RABEP1: variants seen among roughly 807,000 people sequenced by gnomAD.
RABEP1 encodes rab GTPase-binding effector protein 1.
Under a neutral mutation model 123.4 loss-of-function variants are expected in RABEP1, and 51 were observed. The ratio of observed to expected loss-of-function variants is 0.41; its 90% CI spans 0.33 to 0.52. The LOEUF (loss-of-function observed/expected upper bound fraction) is 0.52, where lower values mean the gene tolerates loss of function less well. RABEP1 is among the 20% of genes least tolerant of loss of function. RABEP1 has a pLI of 0.16. For missense variants in RABEP1, 888 were observed against 996.3 expected (o/e 0.89, Z 1.46); for synonymous variants, 347 against 355.2 (o/e 0.98, Z 0.26).
intron 2 of RABEP1, among the ~76,000 whole-genome samples, chr17:5,319,989 A>C (rs1174340229): frequency 1.3e-5 from 2 of 152,204 alleles, no homozygotes; most frequent in Non-Finnish European, 2.9e-5. Context: ...AAAACTCTCC[A>C]AAACTTGAGA....
At chr17:5,283,399 G>C (rs1020724341) in intron 1 of RABEP1, among the ~76,000 whole-genome samples, 2 of 152,162 alleles carry the variant, frequency 1.3e-5, no homozygotes, top group African/African-American at 4.8e-5. Context: ...GGTTGTCAGA[G>C]CCCTTCGTGA....
chr17:5,373,866 G>C (rs9890097), intron 13 of RABEP1, among the ~76,000 whole-genome samples: 10,919 of 152,142 alleles, frequency 0.072, 543 homozygotes, highest in Non-Finnish European at 0.1. Flanking sequence ...AGAATCATAC[G>C]ATATGTGGTC....
At position 5,361,618 on chromosome 17, in the gene RABEP1, G is replaced by T; in HGVS notation, c.1506G>T (p.Val502=). The T allele has an allele frequency of 6.2e-7, 1 of 1,613,968 alleles. No homozygotes were observed. The highest frequency in any genetic ancestry group is 8.5e-7 in the Non-Finnish European group (1 of 1,179,932). ...SVTQGMESAY[V]SPSGYRLVSE... ...CCCAGGGCATGGAGAGTGCCTATGT[G>T]TCCCCTAGTGGTTATCGTTTAGTTA... Residue 502 remains valine, a synonymous_variant, in exon 9 of 18, where the codon GTG becomes GTT. Coordinates refer to ENST00000537505, the MANE Select transcript of RABEP1 (RefSeq NM_004703.6).
rs769889910 is a variant in RABEP1 at position 5,361,306 on chromosome 17, T to A, written c.1194T>A (p.Phe398Leu). Reference protein sequence around the residue: ...DPFSKSDNDMFKDGLRRAQST... With the variant: ...DPFSKSDNDMLKDGLRRAQST... ...TCAGTAAATCGGACAATGACATGTT[T>A]AAAGATGGACTCAGGAGAGCACAGT... Residue 398 changes from phenylalanine (F) to leucine (L), a missense_variant, in exon 9 of 18, where the codon TTT becomes TTA. By Grantham distance (22) the Phe-to-Leu change is conservative (BLOSUM62 0). Transcript: ENST00000537505. 6 of 1,614,156 alleles carry A rather than the reference T, an allele frequency of 3.7e-6. No homozygotes were observed. In the South Asian group the frequency reaches 6.6e-5, roughly 18 times the overall value.
At chr17:5,334,088 C>T (rs1906822050) in intron 3 of RABEP1, among the ~76,000 whole-genome samples, 1 of 148,578 alleles carries the variant, frequency 6.7e-6, no homozygotes, top group South Asian at 2.2e-4. Flanking sequence ...GGCTTGAGTG[C>T]AGTGGTGTGA....
chr17:5,297,235 C>A (rs186126310), intron 1 of RABEP1, among the ~76,000 whole-genome samples: 250 of 152,120 alleles, frequency 1.6e-3, no homozygotes, highest in Non-Finnish European at 1.1e-3. Context: ...CTTTAGGATA[C>A]CCCCTTTACC....
intron 1 of RABEP1, among the ~76,000 whole-genome samples, chr17:5,300,893 T>C (rs554560977): frequency 2.6e-5 from 4 of 152,294 alleles, no homozygotes; most frequent in Admixed American, 6.5e-5. Context: ...TCTCAAACTT[T>C]AGCCTGCATC....
intron 7 of RABEP1, among the ~76,000 whole-genome samples, chr17:5,352,224 C>T (rs1404336189): frequency 1.3e-5 from 2 of 151,356 alleles, no homozygotes; most frequent in Non-Finnish European, 2.9e-5. Flanking sequence ...CAGGATTTCA[C>T]TCCAGTCACC....
chr17:5,350,658 C>G lies in RABEP1; in HGVS notation c.963+29C>G, dbSNP rs770040149. ...AATAGAAGTTTTTAGGACTGATTTG[C>G]TTTGTCAGTAATGTCCCCCACCACA... is the stretch of plus-strand genomic sequence containing the variant. On this transcript the variant is annotated intron_variant, in intron 7 of 17. Transcript: ENST00000537505. The G allele has an allele frequency of 1.9e-6, 3 of 1,609,380 alleles. No individual in the cohort carries two copies. The Admixed American group carries it at 5.0e-5, about 27-fold the overall frequency.
At chr17:5,285,764 G>T (rs930627385) in intron 1 of RABEP1, among the ~76,000 whole-genome samples, 1 of 152,132 alleles carries the variant, frequency 6.6e-6, no homozygotes. Context: ...GCTATTAAGT[G>T]GGGGAGCAGG....
intron 1 of RABEP1, among the ~76,000 whole-genome samples, chr17:5,301,063 T>C (rs981649115): frequency 9.2e-5 from 14 of 152,148 alleles, no homozygotes; most frequent in African/African-American, 3.4e-4. Context: ...TGCTAAACTT[T>C]AAGGAATACC....
Position 5,384,429 on chromosome 17 carries a change from A to T in RABEP1, c.*1206A>T, listed in dbSNP as rs1034332847. ...CCAGTGGATGGATTCATCATCCAGGAGGTTCAAAAGTAAGATGGTTTTCAA... is the reference window on the plus strand; with the variant it reads ...CCAGTGGATGGATTCATCATCCAGGTGGTTCAAAAGTAAGATGGTTTTCAA... On this transcript the variant is annotated 3_prime_UTR_variant, in exon 18 of 18. Coordinates refer to ENST00000537505, the MANE Select transcript of RABEP1 (RefSeq NM_004703.6). The T allele has an allele frequency of 4.7e-6, 1 of 214,942 alleles. No homozygotes were observed. Among genetic ancestry groups the T allele is most frequent in the Non-Finnish European group, 9.4e-6 (1 of 106,654 alleles). 13.3% of individuals were successfully genotyped at this position (214,942 alleles called of 1,614,324 possible). A position where few individuals can be genotyped will look rare whatever the true frequency, so the allele number is the denominator to read the frequency against.
intron 1 of RABEP1, among the ~76,000 whole-genome samples, chr17:5,293,617 G>C (rs2075053498): frequency 1.3e-5 from 2 of 152,146 alleles, no homozygotes; most frequent in Admixed American, 1.3e-4. Flanking sequence ...TTGTTGCCCT[G>C]GCTGGTCTCA....
rs1907448253 is a variant in RABEP1 at position 5,340,002 on chromosome 17, TTACA to T, written c.648+1867_648+1870del. Among the ~76,000 whole-genome samples the T allele has an allele frequency of 2.6e-5, 4 of 152,168 alleles. No homozygotes were observed. In the South Asian group the frequency reaches 8.3e-4, roughly 31 times the overall value. On this transcript the variant is annotated intron_variant, in intron 5 of 17. Transcript: ENST00000537505. ...TAATAGTCATGAACTTGAATGCACC[TTACA>T]TAGTCATGAAATGCATAAACTAATA...
intron 2 of RABEP1, among the ~76,000 whole-genome samples, chr17:5,309,185 C>T (rs1021621209): frequency 6.6e-6 from 1 of 151,946 alleles, no homozygotes; most frequent in Non-Finnish European, 1.5e-5. Flanking sequence ...TCAGTTTTAC[C>T]CAACAAATAT....
At chr17:5,325,974 A>T (rs1301191207) in intron 2 of RABEP1, among the ~76,000 whole-genome samples, 1 of 152,204 alleles carries the variant, frequency 6.6e-6, no homozygotes, top group Non-Finnish European at 1.5e-5. Flanking sequence ...GAATGGCCTA[A>T]ATCCAAAATA....
intron 5 of RABEP1, among the ~76,000 whole-genome samples, chr17:5,343,978 A>G (rs762236722): frequency 7.2e-5 from 11 of 152,066 alleles, no homozygotes; most frequent in Non-Finnish European, 1.5e-4. Context: ...GCCTGGCCCA[A>G]GGTTTCCTAA....
intron 1 of RABEP1, among the ~76,000 whole-genome samples, chr17:5,286,814 G>A (rs1315359582): frequency 1.3e-5 from 2 of 152,154 alleles, no homozygotes; most frequent in African/African-American, 2.4e-5. Flanking sequence ...CAAATGATAC[G>A]GGTTGTTAGA....
intron 12 of RABEP1, among the ~76,000 whole-genome samples, chr17:5,372,057 G>T (rs1317369169): frequency 6.6e-6 from 1 of 152,032 alleles, no homozygotes; most frequent in Non-Finnish European, 1.5e-5. Flanking sequence ...CTCGGATTTG[G>T]TGGATAACTT....
Sources: allele counts gnomAD v4.1 joint callset (sites outside exome capture counted in the v4.1 genomes callset), GRCh38; gene constraint gnomAD v4.1.1; transcripts MANE v1.5; gene names NCBI Gene and HGNC (gene_info 2026-07-23, HGNC 2026-07-21).